Variants in HNRNPLL observed in about 807,000 individuals in gnomAD.
The protein encoded by HNRNPLL is heterogeneous nuclear ribonucleoprotein L-like.
A neutral mutation model predicts 67.1 loss-of-function variants in HNRNPLL; 25 were observed. The observed-to-expected ratio is 0.37, with a 90% CI of 0.27 to 0.52. HNRNPLL has a LOEUF of 0.52. Ranked by LOEUF, HNRNPLL falls within the 20% of genes least tolerant of loss-of-function variation. HNRNPLL has a pLI of 0.90. For synonymous variants in HNRNPLL, 267 were observed against 241.7 expected, an observed-to-expected ratio of 1.10 and a Z score of -0.97; for missense variants, 542 against 673.9, an observed-to-expected ratio of 0.80 and a Z score of 2.17.
At chr2:38,595,320 A>C (rs1392978777) in intron 1 of HNRNPLL, among the ~76,000 whole-genome samples, 1 of 151,278 alleles carries the variant, frequency 6.6e-6, no homozygotes, top group Non-Finnish European at 1.5e-5. Context: ...ACACAAAACA[A>C]TAAATTGATC....
At chr2:38,577,607 C>A (rs1666351054) in intron 6 of HNRNPLL, 75 bp from the exon 7 acceptor site, 4 of 838,640 alleles carry the variant, frequency 4.8e-6, no homozygotes, top group Non-Finnish European at 6.3e-6. Context: ...TGGGAAACAC[C>A]CATTCAAAAC....
At chr2:38,565,199 A>C (rs1411831399) in intron 12 of HNRNPLL, among the ~76,000 whole-genome samples, 1 of 152,156 alleles carries the variant, frequency 6.6e-6, no homozygotes, top group East Asian at 1.9e-4. Context: ...AAGAAAAAAA[A>C]TTCCTGTAAG....
At chr2:38,582,025 C>G (rs771340163) in intron 5 of HNRNPLL, 40 bp from the exon 6 acceptor site, 2 of 1,598,152 alleles carry the variant, frequency 1.3e-6, no homozygotes, top group South Asian at 2.2e-5. Flanking sequence ...AACTGCATAT[C>G]CAAAGCATAA....
At chr2:38,567,775 G>C (rs1413544700) in intron 12 of HNRNPLL, among the ~76,000 whole-genome samples, 2 of 152,166 alleles carry the variant, frequency 1.3e-5, no homozygotes, top group African/African-American at 4.8e-5. Flanking sequence ...CACTCAGAGA[G>C]AAGTCAGCTA....
At chr2:38,572,767 T>C (rs573752181) in intron 8 of HNRNPLL, among the ~76,000 whole-genome samples, 1 of 152,186 alleles carries the variant, frequency 6.6e-6, no homozygotes, top group African/African-American at 2.4e-5. Flanking sequence ...AATAGAACCC[T>C]GGCATTTAGG....
chr2:38,572,673 G>A (rs1666139100), intron 8 of HNRNPLL, among the ~76,000 whole-genome samples: 1 of 152,014 alleles, frequency 6.6e-6, no homozygotes, highest in Non-Finnish European at 1.5e-5. Context: ...TATATTGCTA[G>A]ACAGGAAGTT....
chr2:38,601,288 G>C lies in HNRNPLL; in HGVS notation c.189+1150C>G, dbSNP rs963205055. On this transcript the variant is annotated intron_variant, in intron 1 of 12. Transcript: ENST00000449105. ...GTAACTGGAAACTGCAACGCTGGGT[G>C]ACTGACCAGCCTTTTTTTTTATTAT... is the stretch of plus-strand genomic sequence containing the variant. Among the ~76,000 whole-genome samples the C allele has an allele frequency of 2.0e-5, 3 of 152,172 alleles. No individual in the cohort carries two copies. The South Asian group carries it at 6.2e-4, about 32-fold the overall frequency.
At chr2:38,576,069 A>G (rs1271071099) in intron 7 of HNRNPLL, among the ~76,000 whole-genome samples, 2 of 151,846 alleles carry the variant, frequency 1.3e-5, no homozygotes, top group African/African-American at 4.8e-5. Context: ...GGCAGGGTAT[A>G]TAACAGCTTT....
At position 38,581,917 on chromosome 2, in the gene HNRNPLL, T is replaced by C. The variant is rs1666542779; in HGVS notation, c.798A>G (p.Arg266=). The change falls in exon 6 of 13, where the codon AGA becomes AGG. Residue 266 remains arginine (R), a synonymous_variant. Coordinates refer to ENST00000449105, the MANE Select transcript of HNRNPLL (RefSeq NM_138394.4). The stretch of plus-strand genomic sequence containing the variant: ...TAAAATGTATAAAATACCTACCTCG[T>C]CTTCCCAAATATGGTTTAGTGTAGT... ...SWDYTKPYLG[R]RDRGKGRQRQ... is the part of the protein sequence containing the mutation. 6.2e-7 allele frequency: 1 copy of C among 1,603,862 alleles called. No homozygotes were observed. Among genetic ancestry groups the C allele is most frequent in the East Asian group, 2.2e-5 (1 of 44,816 alleles).
chr2:38,599,097 T>G (rs1057463240), intron 1 of HNRNPLL, among the ~76,000 whole-genome samples: 2 of 152,226 alleles, frequency 1.3e-5, no homozygotes, highest in Non-Finnish European at 2.9e-5. Context: ...TGTGCAAGTA[T>G]AACAGAATAG....
intron 2 of HNRNPLL, among the ~76,000 whole-genome samples, chr2:38,590,674 G>C (rs1255317893): frequency 2.0e-5 from 3 of 152,108 alleles, no homozygotes; most frequent in African/African-American, 7.2e-5. Flanking sequence ...GAGCCTGCGT[G>C]AATACAAGGC....
At chr2:38,578,798 T>C (rs941492140) in intron 6 of HNRNPLL, among the ~76,000 whole-genome samples, 1 of 152,106 alleles carries the variant, frequency 6.6e-6, no homozygotes, top group African/African-American at 2.4e-5. Context: ...TCTACCCATA[T>C]TCTACCCCAT....
At chr2:38,593,516 G>GT (rs1667048884) in intron 1 of HNRNPLL, among the ~76,000 whole-genome samples, 1 of 152,210 alleles carries the variant, frequency 6.6e-6, no homozygotes, top group Non-Finnish European at 1.5e-5. Context: ...ACAGAAAACT[G>GT]TATTGGCCTG....
Position 38,585,767 on chromosome 2 carries a change from T to C in HNRNPLL, c.423A>G (p.Gln141=). Residue 141 remains glutamine, a synonymous_variant, in exon 3 of 13, where the codon CAA becomes CAG. Coordinates refer to ENST00000449105, the MANE Select transcript of HNRNPLL (RefSeq NM_138394.4). ...TTGTAGAATAGTTGAAAAAAGCCTG[T>C]TGACCAGCAATGTACACGGGTTCAT... is the stretch of plus-strand genomic sequence containing the variant. ...AADEPVYIAG[Q]QAFFNYSTSK... is the part of the protein sequence containing the mutation. The C allele has an allele frequency of 1.2e-6, 2 of 1,613,750 alleles. No homozygotes were observed. Among genetic ancestry groups the C allele is most frequent in the African/African-American group, 1.3e-5 (1 of 75,044 alleles).
At chr2:38,591,930 C>A (rs1490886454) in intron 1 of HNRNPLL, among the ~76,000 whole-genome samples, 1 of 151,874 alleles carries the variant, frequency 6.6e-6, no homozygotes, top group South Asian at 2.1e-4. Flanking sequence ...GAGCCAAGAT[C>A]GCGCCACTGC....
At chr2:38,581,315 T>A (rs1044222655) in intron 6 of HNRNPLL, 2 of 152,538 alleles carry the variant, frequency 1.3e-5, no homozygotes, top group African/African-American at 4.8e-5. Context: ...AATATATACA[T>A]ACAACTTGTA....
At chr2:38,580,164 A>T (rs58441205) in intron 6 of HNRNPLL, among the ~76,000 whole-genome samples, 4,365 of 152,188 alleles carry the variant, frequency 0.029, 208 homozygotes, top group African/African-American at 0.099. Context: ...AGATTTTTTT[A>T]AAAAAACAAA....
At position 38,602,565 on chromosome 2, in the gene HNRNPLL, T is replaced by C. The variant is rs1417778534; in HGVS notation, c.62A>G (p.Gln21Arg). The C allele has an allele frequency of 2.5e-6, 4 of 1,571,368 alleles. No individual in the cohort carries two copies. Among genetic ancestry groups the C allele is most frequent in the Non-Finnish European group, 1.7e-6 (2 of 1,159,594 alleles). Residue 21 changes from glutamine to arginine, a missense_variant, in exon 1 of 13, where the codon CAG becomes CGG. Transcript: ENST00000449105. Reference sequence around the variant, plus strand: ...CTCCTCGGTCTTGAGACGCTTGGCCTGGCTCTCGTACTCCCGGTCCTCCTC... The same window carrying C: ...CTCCTCGGTCTTGAGACGCTTGGCCCGGCTCTCGTACTCCCGGTCCTCCTC... ...TYEEDREYES[Q>R]AKRLKTEEGE...
chr2:38,580,236 G>A (rs543379074), intron 6 of HNRNPLL, among the ~76,000 whole-genome samples: 15 of 152,136 alleles, frequency 9.9e-5, no homozygotes, highest in Middle Eastern at 3.4e-3. Flanking sequence ...CCACTTGTCC[G>A]GTTGTTTCAG....
Sources: gnomAD v4.1 joint callset for allele counts (sites outside exome capture counted in the v4.1 genomes callset) on GRCh38, gnomAD v4.1.1 for gene constraint, MANE v1.5 for transcripts, NCBI Gene and HGNC (gene_info 2026-07-23, HGNC 2026-07-21) for gene names.